The following DOCK4 variants were observed in gnomAD, a reference collection of about 807,000 sequenced individuals.
DOCK4 encodes dedicator of cytokinesis protein 4.
In DOCK4, 97 loss-of-function variants were observed where a neutral mutation model predicts 268.1. That is an observed-to-expected ratio of 0.36 (90% CI 0.31 to 0.43). The LOEUF (loss-of-function observed/expected upper bound fraction) is 0.43, where lower values mean the gene tolerates loss of function less well. DOCK4 is among the 20% of genes least tolerant of loss of function. DOCK4 has a pLI of 1.00. For missense variants in DOCK4, 2,145 were observed against 2,455.7 expected (o/e 0.87, Z 2.67); for synonymous variants, 954 against 887.2 (o/e 1.08, Z -1.34).
intron 25 of DOCK4, among the ~76,000 whole-genome samples, chr7:111,841,152 GATTTATTT>G (rs10561221): frequency 7.3e-5 from 11 of 150,446 alleles, no homozygotes; most frequent in East Asian, 5.9e-4. Context: ...TATTTTCTCT[GATTTATTT>G]ATTTATTTAT....
intron 42 of DOCK4, among the ~76,000 whole-genome samples, chr7:111,751,530 C>CA (rs1796651523): frequency 6.6e-6 from 1 of 151,928 alleles, no homozygotes; most frequent in Admixed American, 6.6e-5. Flanking sequence ...CTGCAACCTC[C>CA]ACCTTCTGGG....
intron 32 of DOCK4, among the ~76,000 whole-genome samples, chr7:111,787,891 T>C (rs118075237): frequency 0.031 from 4,731 of 152,318 alleles, 111 homozygotes; most frequent in Middle Eastern, 0.058. Context: ...TATGTTAGAT[T>C]TGAAAATGAC....
chr7:111,776,731 C>T (rs1337440407), intron 36 of DOCK4, among the ~76,000 whole-genome samples: 1 of 152,180 alleles, frequency 6.6e-6, no homozygotes, highest in East Asian at 1.9e-4. Flanking sequence ...AAACTATGCC[C>T]ATACATATAA....
intron 51 of DOCK4, among the ~76,000 whole-genome samples, chr7:111,734,298 C>T (rs1585816103): frequency 1.3e-5 from 2 of 152,114 alleles, no homozygotes; most frequent in Non-Finnish European, 2.9e-5. Flanking sequence ...CTTCTGGGCT[C>T]AAGCCATCCT....
chr7:112,142,458 C>T (rs924288668), intron 1 of DOCK4, among the ~76,000 whole-genome samples: 2 of 152,144 alleles, frequency 1.3e-5, no homozygotes, highest in Admixed American at 1.3e-4. Flanking sequence ...AGCCTTACTC[C>T]TTTGCCTTTC....
intron 1 of DOCK4, among the ~76,000 whole-genome samples, chr7:112,072,838 G>A (rs1586764897): frequency 6.6e-6 from 1 of 152,176 alleles, no homozygotes; most frequent in African/African-American, 2.4e-5. Flanking sequence ...GAGCTTTACT[G>A]GTATACAACC....
At chr7:112,066,703 A>ATGTGTG (rs1249508609) in intron 1 of DOCK4, among the ~76,000 whole-genome samples, 2 of 51,108 alleles carry the variant, frequency 3.9e-5, no homozygotes, top group Admixed American at 1.6e-4. Context: ...ATATATATAT[A>ATGTGTG]TATATATATA....
At chr7:111,994,912 C>G (rs1168898036) in intron 4 of DOCK4, among the ~76,000 whole-genome samples, 2 of 151,874 alleles carry the variant, frequency 1.3e-5, no homozygotes, top group Non-Finnish European at 2.9e-5. Flanking sequence ...CTTCTCATTT[C>G]TTCTCTAAAA....
intron 13 of DOCK4, among the ~76,000 whole-genome samples, chr7:111,905,816 T>C (rs554662051): frequency 2.6e-5 from 4 of 152,096 alleles, no homozygotes; most frequent in Non-Finnish European, 5.9e-5. Context: ...AGAAAATGTG[T>C]AAATGACTTA....
chr7:111,948,463 C>A (rs1795797752), intron 8 of DOCK4, among the ~76,000 whole-genome samples: 1 of 152,104 alleles, frequency 6.6e-6, no homozygotes, highest in Non-Finnish European at 1.5e-5. Context: ...CAAGCCTGAT[C>A]CCAAGAGTTC....
Position 111,739,261 on chromosome 7 carries a change from G to A in DOCK4, c.5123-18C>T. 2 of 1,609,170 alleles carry A rather than the reference G, an allele frequency of 1.2e-6. No homozygotes were observed. The highest frequency in any genetic ancestry group is 1.7e-5 in the Admixed American group (1 of 60,026). ...AGGAGAAGCTGGGAAGAGAAGGAGA[G>A]AGAGGATCATCAGCATGGTAGTGGT... On this transcript the variant is annotated intron_variant, in intron 48 of 52. Coordinates refer to ENST00000428084, the MANE Select transcript of DOCK4 (RefSeq NM_001363540.2).
intron 11 of DOCK4, among the ~76,000 whole-genome samples, chr7:111,936,731 C>A (rs1364737881): frequency 6.6e-6 from 1 of 152,194 alleles, no homozygotes; most frequent in African/African-American, 2.4e-5. Flanking sequence ...TGTACACTAT[C>A]AATCAAAATC....
chr7:111,936,519 T>TGGATGGAC (rs1794753939), intron 11 of DOCK4, among the ~76,000 whole-genome samples: 1 of 151,788 alleles, frequency 6.6e-6, no homozygotes, highest in East Asian at 1.9e-4. Flanking sequence ...GATGGATGGA[T>TGGATGGAC]GGATGGATGG....
At chr7:111,834,977 T>TA (rs1803123168) in intron 25 of DOCK4, among the ~76,000 whole-genome samples, 1 of 152,180 alleles carries the variant, frequency 6.6e-6, no homozygotes, top group Admixed American at 6.5e-5. Flanking sequence ...TTCACACATT[T>TA]AAAGAAGGTA....
chr7:112,130,542 T>C (rs1449313866), intron 1 of DOCK4, among the ~76,000 whole-genome samples: 1 of 152,234 alleles, frequency 6.6e-6, no homozygotes, highest in African/African-American at 2.4e-5. Flanking sequence ...AGGGATTCTA[T>C]GTAAAGCAAG....
Position 112,086,327 on chromosome 7 carries a change from G to C in DOCK4, c.38-82196C>G, listed in dbSNP as rs565036233. Among the ~76,000 whole-genome samples the C allele has an allele frequency of 5.9e-5, 9 of 152,156 alleles. 1 individual carries two copies. The highest frequency in any genetic ancestry group is 2.2e-4 in the African/African-American group (9 of 41,530). On this transcript the variant is annotated intron_variant, in intron 1 of 52. Transcript: ENST00000428084. Reference sequence around the variant, plus strand: ...GACCATAAGTCGTGCACCAGTTAACGTCTGTGTCTGTCTGTTCTCTCTTTC... The same window carrying C: ...GACCATAAGTCGTGCACCAGTTAACCTCTGTGTCTGTCTGTTCTCTCTTTC...
At chr7:111,756,484 C>T (rs1231731126) in intron 41 of DOCK4, among the ~76,000 whole-genome samples, 1 of 152,060 alleles carries the variant, frequency 6.6e-6, no homozygotes, top group Non-Finnish European at 1.5e-5. Flanking sequence ...GCTAAATCTA[C>T]TGTGCCACAT....
intron 27 of DOCK4, chr7:111,820,588 T>A (rs899380568): frequency 6.6e-6 from 1 of 152,178 alleles, no homozygotes; most frequent in South Asian, 2.1e-4. Context: ...CATAAAGTCT[T>A]TAAAACTGAA....
In DOCK4 at chr7:112,185,003, T is replaced by A. The variant is rs565218372; in HGVS notation, c.37+21099A>T. Among the ~76,000 whole-genome samples the A allele has an allele frequency of 7.3e-4, 111 of 152,302 alleles. No homozygotes were observed. The South Asian group carries it at 0.022, about 30-fold the overall frequency. Reference sequence around the variant, plus strand: ...TGGTAGATAAACAAGGCAAAGAGTATCATCCCTCTTTACAGAACAGGAAAC... The same window carrying A: ...TGGTAGATAAACAAGGCAAAGAGTAACATCCCTCTTTACAGAACAGGAAAC... On this transcript the variant is annotated intron_variant, in intron 1 of 52. Coordinates refer to ENST00000428084, the MANE Select transcript of DOCK4 (RefSeq NM_001363540.2).
Sources: allele counts gnomAD v4.1 joint callset (sites outside exome capture counted in the v4.1 genomes callset), GRCh38; gene constraint gnomAD v4.1.1; transcripts MANE v1.5; gene names NCBI Gene and HGNC (gene_info 2026-07-23, HGNC 2026-07-21).